Variants in TESMIN observed in about 807,000 individuals in gnomAD.
TESMIN encodes testis expressed metallothionein like protein, also known as CXC domain containing 2.
A neutral mutation model predicts 47.4 loss-of-function variants in TESMIN; 34 were observed. The ratio of observed to expected loss-of-function variants is 0.72; its 90% CI spans 0.55 to 0.96. The LOEUF is 0.96. TESMIN is among the 40% of genes least tolerant of loss of function. The pLI, the probability that TESMIN is intolerant of heterozygous loss-of-function variation, is 0.00. For synonymous variants in TESMIN, 278 were observed against 258.9 expected (o/e 1.07, Z -0.71); for missense variants, 610 against 637.2 (o/e 0.96, Z 0.46).
intron 9 of TESMIN, chr11:68,710,542 A>C: frequency 3.9e-6 from 1 of 256,516 alleles, no homozygotes; most frequent in Non-Finnish European, 7.3e-6. Flanking sequence ...TTGTGGCTCT[A>C]TATTAACGCA....
At chr11:68,743,526 G>A (rs888059988) in intron 4 of TESMIN, among the ~76,000 whole-genome samples, 1 of 152,066 alleles carries the variant, frequency 6.6e-6, no homozygotes, top group African/African-American at 2.4e-5. Context: ...TAGGATTATA[G>A]GCGTGAGCCA....
intron 3 of TESMIN, among the ~76,000 whole-genome samples, chr11:68,746,170 TACAC>T (rs56975910): frequency 0.012 from 1,734 of 149,508 alleles, 27 homozygotes; most frequent in African/African-American, 0.039. Context: ...AAGTTATAGC[TACAC>T]ACACACACAC....
intron 4 of TESMIN, among the ~76,000 whole-genome samples, chr11:68,744,572 T>C (rs1224039715): frequency 6.6e-6 from 1 of 152,230 alleles, no homozygotes; most frequent in Non-Finnish European, 1.5e-5. Context: ...TAGTTCTCAT[T>C]GATTACACTG....
intron 6 of TESMIN, among the ~76,000 whole-genome samples, chr11:68,728,872 C>CT (rs1946295369): frequency 1.3e-5 from 2 of 152,140 alleles, no homozygotes; most frequent in Non-Finnish European, 2.9e-5. Flanking sequence ...TTAAGTCCAC[C>CT]GTGAAGACCT....
intron 5 of TESMIN, among the ~76,000 whole-genome samples, chr11:68,739,683 T>G (rs1198149197): frequency 6.6e-6 from 1 of 152,210 alleles, no homozygotes; most frequent in Non-Finnish European, 1.5e-5. Flanking sequence ...GAAAGCCTCC[T>G]GGGTCCCACT....
At chr11:68,746,423 T>C (rs1318605825) in intron 3 of TESMIN, among the ~76,000 whole-genome samples, 2 of 152,200 alleles carry the variant, frequency 1.3e-5, no homozygotes, top group East Asian at 3.8e-4. Context: ...CTAATGTTAG[T>C]GTACACCACA....
intron 6 of TESMIN, among the ~76,000 whole-genome samples, chr11:68,733,461 T>C (rs774954517): frequency 3.9e-5 from 6 of 152,138 alleles, no homozygotes; most frequent in Non-Finnish European, 8.8e-5. Flanking sequence ...TACCAAAAAT[T>C]CGTACCAGCT....
At position 68,737,323 on chromosome 11, in the gene TESMIN, A is replaced by C. The variant is rs554316903; in HGVS notation, c.917+1377T>G. 14 of 985,526 alleles carry C rather than the reference A, an allele frequency of 1.4e-5. No individual in the cohort carries two copies. The East Asian group carries it at 9.1e-4, about 64-fold the overall frequency. The allele number at this position is 985,526 out of a possible 1,614,324, so 61.0% of individuals were successfully genotyped here. ...GTCAACAGCCTAGGCACAGAATTAC[A>C]ACAGCTGAAAGAGCCACTGCAGAAA... On this transcript the variant is annotated intron_variant, in intron 6 of 9. Transcript: ENST00000255087.
At chr11:68,741,554 G>A (rs1946456545) in intron 5 of TESMIN, among the ~76,000 whole-genome samples, 1 of 152,200 alleles carries the variant, frequency 6.6e-6, no homozygotes. Flanking sequence ...AATGTAAGCT[G>A]CAGGAGGGCG....
intron 6 of TESMIN, among the ~76,000 whole-genome samples, chr11:68,723,580 T>C (rs955296252): frequency 7.9e-5 from 12 of 150,976 alleles, no homozygotes; most frequent in Non-Finnish European, 1.5e-4. Flanking sequence ...CAGAAATTAA[T>C]GTACTTCATG....
At position 68,750,693 on chromosome 11, in the gene TESMIN, C is replaced by G. The variant is rs767552184; in HGVS notation, c.-33G>C. 7.3e-5 allele frequency: 103 copies of G among 1,413,444 alleles called. No homozygotes were observed. Among genetic ancestry groups the G allele is most frequent in the Middle Eastern group, 6.9e-4 (3 of 4,350 alleles). 87.6% of individuals were successfully genotyped at this position (1,413,444 alleles called of 1,614,324 possible). A position where few individuals can be genotyped will look rare whatever the true frequency, so the allele number is the denominator to read the frequency against. ...GGCGGCGGGGCGGGATGGCGGGGGC[C>G]GCGCACCTGCAACACGCGGCCAGGT... On this transcript the variant is annotated 5_prime_UTR_variant, in exon 2 of 10. Transcript: ENST00000255087.
chr11:68,710,986 CT>C lies in TESMIN; in HGVS notation c.1221del (p.Glu408AsnfsTer5). On this transcript the variant is annotated frameshift_variant, in exon 9 of 10. Transcript: ENST00000255087. LOFTEE classifies it high-confidence loss of function. ...GGCATGCTCATTAGTGTCTTTCGTT[CT>C]GGGCTTTCTTCATAATTTTTGCAAC... ...CIGCKNYEES[P>X]ERKTLMSMPN... The C allele has an allele frequency of 6.2e-7, 1 of 1,613,822 alleles. No individual in the cohort carries two copies. Among genetic ancestry groups the C allele is most frequent in the Non-Finnish European group, 8.5e-7 (1 of 1,179,858 alleles).
At chr11:68,740,954 C>A (rs1049882841) in intron 5 of TESMIN, among the ~76,000 whole-genome samples, 1 of 152,128 alleles carries the variant, frequency 6.6e-6, no homozygotes, top group Admixed American at 6.6e-5. Flanking sequence ...GAAACTCCAT[C>A]TCTCCAATCA....
chr11:68,710,515 T>C (rs1566310681), intron 9 of TESMIN: 2 of 207,414 alleles, frequency 9.6e-6, no homozygotes, highest in Non-Finnish European at 1.9e-5. Flanking sequence ...ACGCACTGTC[T>C]TTGCTGCGCT....
rs111479351 is a variant in TESMIN at position 68,716,686 on chromosome 11, C to T, written c.918-747G>A. 1.4e-4 allele frequency among the ~76,000 whole-genome samples: 21 copies of T among 152,346 alleles called. 1 individual carries two copies. The highest frequency in any genetic ancestry group is 4.3e-4 in the African/African-American group (18 of 41,588). On this transcript the variant is annotated intron_variant, in intron 6 of 9. Coordinates refer to ENST00000255087, the MANE Select transcript of TESMIN (RefSeq NM_004923.3). ...GTCTCCCTCCCAAGGTCTTGTAAGACGCCTGCTCCTGCATTGTAAGGCAGA... is the reference window on the plus strand; with the variant it reads ...GTCTCCCTCCCAAGGTCTTGTAAGATGCCTGCTCCTGCATTGTAAGGCAGA...
chr11:68,749,237 A>C (rs1259199121), intron 2 of TESMIN, among the ~76,000 whole-genome samples: 3 of 152,242 alleles, frequency 2.0e-5, no homozygotes, highest in African/African-American at 7.2e-5. Context: ...AACAGAGGTC[A>C]GTGGAGGCCC....
intron 9 of TESMIN, 32 bp downstream of exon 9, chr11:68,710,842 T>C: frequency 6.4e-7 from 1 of 1,562,846 alleles, no homozygotes; most frequent in Non-Finnish European, 8.7e-7. Flanking sequence ...CTCTGTTCCC[T>C]CTATTAGCAG....
At chr11:68,715,799 T>C in intron 7 of TESMIN, 38 bp downstream of exon 7, 1 of 1,408,668 alleles carries the variant, frequency 7.1e-7, no homozygotes, top group Non-Finnish European at 1.0e-6. Context: ...CAGTTTGAAA[T>C]GCTTTTAAAA....
chr11:68,738,445 C>T, intron 6 of TESMIN: 2 of 1,266,650 alleles, frequency 1.6e-6, no homozygotes, highest in Non-Finnish European at 2.0e-6. Flanking sequence ...GAAACACCAA[C>T]ATAGGACAGC....
Sources: gnomAD v4.1 joint callset for allele counts (sites outside exome capture counted in the v4.1 genomes callset) on GRCh38, gnomAD v4.1.1 for gene constraint, MANE v1.5 for transcripts, NCBI Gene and HGNC (gene_info 2026-07-23, HGNC 2026-07-21) for gene names.